UIMC1: variants seen among roughly 807,000 people sequenced by gnomAD.
UIMC1 encodes the protein BRCA1-A complex subunit RAP80.
A neutral mutation model predicts 84.9 loss-of-function variants in UIMC1; 42 were observed. That is an observed-to-expected ratio of 0.49 (90% CI 0.39 to 0.64). The LOEUF is 0.64. Among genes scored for constraint, UIMC1 ranks in the 30% least tolerant of loss-of-function variants. UIMC1 has a pLI of 0.00. For missense variants in UIMC1, 825 were observed against 847.6 expected, an observed-to-expected ratio of 0.97 and a Z score of 0.33; for synonymous variants, 281 against 293.0, an observed-to-expected ratio of 0.96 and a Z score of 0.42.
chr5:177,005,052 G>A lies in UIMC1; in HGVS notation c.-9+1598C>T, dbSNP rs537199472. On this transcript the variant is annotated intron_variant, in intron 1 of 14. Coordinates refer to ENST00000511320, the MANE Select transcript of UIMC1 (RefSeq NM_001199298.2). ...GGGAACCACAGGCACGCGCCACCAC[G>A]CCCAGCTAATTTTTTTTTTTTAATT... Among the ~76,000 whole-genome samples the A allele has an allele frequency of 2.0e-3, 304 of 151,252 alleles. 1 individual carries two copies. The highest frequency in any genetic ancestry group is 2.6e-3 in the Non-Finnish European group (174 of 67,830).
chr5:177,021,081 C>T (rs563909927), intron 1 of UIMC1, among the ~76,000 whole-genome samples: 38 of 151,986 alleles, frequency 2.5e-4, no homozygotes, highest in Non-Finnish European at 4.6e-4. Flanking sequence ...AGTTTGAGAT[C>T]AGCCTAGCTA....
At chr5:176,917,503 C>T (rs914426281) in intron 10 of UIMC1, among the ~76,000 whole-genome samples, 3 of 152,122 alleles carry the variant, frequency 2.0e-5, no homozygotes, top group African/African-American at 4.8e-5. Flanking sequence ...ACCCGGGAGA[C>T]GGAGGTTGCA....
chr5:176,928,265 T>C (rs903343747), intron 10 of UIMC1, among the ~76,000 whole-genome samples: 4 of 152,202 alleles, frequency 2.6e-5, no homozygotes, highest in African/African-American at 4.8e-5. Context: ...ACTTGAGTAG[T>C]TGCGACAGAG....
chr5:176,914,069 T>TACCACACCACACCAC (rs1271468882), intron 10 of UIMC1, among the ~76,000 whole-genome samples: 4,409 of 144,328 alleles, frequency 0.031, 150 homozygotes, highest in Middle Eastern at 0.12. Flanking sequence ...TACCATACCA[T>TACCACACCACACCAC]ACCACACCAC....
chr5:176,964,205 A>G (rs1036202239), intron 6 of UIMC1, among the ~76,000 whole-genome samples: 1 of 152,232 alleles, frequency 6.6e-6, no homozygotes, highest in Non-Finnish European at 1.5e-5. Context: ...AATTCTTTCT[A>G]CCCACATTTC....
chr5:176,964,255 G>A (rs1376085333), intron 6 of UIMC1, among the ~76,000 whole-genome samples: 1 of 152,122 alleles, frequency 6.6e-6, no homozygotes, highest in Non-Finnish European at 1.5e-5. Flanking sequence ...ACAATCACAG[G>A]ACCTACATTA....
At chr5:176,905,901 G>T (rs1426193250) in intron 14 of UIMC1, 110 bp downstream of exon 14, 2 of 1,200,048 alleles carry the variant, frequency 1.7e-6, no homozygotes, top group African/African-American at 1.5e-5. Context: ...TAGTTCCACA[G>T]TGATTTCTAC....
intron 1 of UIMC1, among the ~76,000 whole-genome samples, chr5:177,005,137 A>C (rs1046870251): frequency 6.6e-6 from 1 of 151,908 alleles, no homozygotes; most frequent in Non-Finnish European, 1.5e-5. Flanking sequence ...CAGTGGCACG[A>C]TCATAGCTCA....
chr5:177,022,405 C>T, intron 1 of UIMC1: 1 of 274,146 alleles, frequency 3.6e-6, no homozygotes, highest in Non-Finnish European at 6.8e-6. Context: ...AATGAAATGG[C>T]GAAAACACTC....
chr5:177,010,072 C>T (rs964126186), upstream of UIMC1, among the ~76,000 whole-genome samples: 1 of 151,708 alleles, frequency 6.6e-6, no homozygotes, highest in Non-Finnish European at 1.5e-5. Flanking sequence ...AACAAGTAGC[C>T]GCATGTGGTG....
chr5:177,001,603 G>A (rs1162657324), intron 1 of UIMC1: 1 of 151,946 alleles, frequency 6.6e-6, no homozygotes, highest in Non-Finnish European at 1.5e-5. Flanking sequence ...AATGTATATA[G>A]AAAGGCATGG....
chr5:176,917,261 A>G (rs1761099280), intron 10 of UIMC1, among the ~76,000 whole-genome samples: 1 of 152,216 alleles, frequency 6.6e-6, no homozygotes, highest in African/African-American at 2.4e-5. Context: ...ACCAGTCTCA[A>G]TTAAAGGCTA....
exon 1 of UIMC1, chr5:177,022,540 C>A: frequency 1.8e-6 from 1 of 558,012 alleles, no homozygotes; most frequent in Non-Finnish European, 3.0e-6. Flanking sequence ...GCGGAATCAG[C>A]GACAGGTTTC....
Position 176,955,986 on chromosome 5 carries a change from A to AGGC in UIMC1, c.1311_1312insGCC (p.Ser437_Ser438insAla). The AGGC allele has an allele frequency of 9.3e-6, 15 of 1,613,784 alleles. No homozygotes were observed. Among genetic ancestry groups the AGGC allele is most frequent in the Non-Finnish European group, 1.1e-5 (13 of 1,179,762 alleles). Reference sequence around the variant, plus strand: ...GGACAAACAGTGATTTCTTCTGCAGAACTCTCTGGCATAAGGACTAAGCTT... The same window carrying AGGC: ...GGACAAACAGTGATTTCTTCTGCAGAGGCACTCTCTGGCATAAGGACTAAGCTT... On this transcript the variant is annotated inframe_insertion, in exon 8 of 15. Transcript: ENST00000511320.
chr5:176,984,672 G>A (rs1252945619), intron 1 of UIMC1, among the ~76,000 whole-genome samples: 1 of 50,718 alleles, frequency 2.0e-5, no homozygotes, highest in Non-Finnish European at 4.9e-5. Context: ...GTGGGGAAAA[G>A]AAAGAGAGAT....
upstream of UIMC1, among the ~76,000 whole-genome samples, chr5:177,008,176 G>A (rs144753760): frequency 1.4e-4 from 21 of 151,514 alleles, no homozygotes; most frequent in Middle Eastern, 3.5e-3. Context: ...GTAATCGAAC[G>A]TGGAACTACA....
At position 176,906,465 on chromosome 5, in the gene UIMC1, T is replaced by C. The variant is rs139496573; in HGVS notation, c.1913-418A>G. Among the ~76,000 whole-genome samples the C allele has an allele frequency of 1.1e-3, 161 of 152,314 alleles. 2 individuals carry two copies. The highest frequency in any genetic ancestry group is 3.6e-3 in the African/African-American group (150 of 41,574). On this transcript the variant is annotated intron_variant, in intron 13 of 14. Coordinates refer to ENST00000511320, the MANE Select transcript of UIMC1 (RefSeq NM_001199298.2). The stretch of plus-strand genomic sequence containing the variant: ...CTATTAGAACTAGATGGTAAGCACA[T>C]CTCACCAGGCTTAAGCAAAAGCTCC...
At chr5:177,017,983 A>G (rs1013952051) in intron 1 of UIMC1, among the ~76,000 whole-genome samples, 5 of 152,058 alleles carry the variant, frequency 3.3e-5, no homozygotes, top group Non-Finnish European at 5.9e-5. Flanking sequence ...CAGTTAAAAC[A>G]TACTCTCTGA....
chr5:176,969,712 A>G lies in UIMC1; in HGVS notation c.358-6T>C. 1 of 1,613,730 alleles carries G rather than the reference A, an allele frequency of 6.2e-7. No homozygotes were observed. Among genetic ancestry groups the G allele is most frequent in the Non-Finnish European group, 8.5e-7 (1 of 1,179,680 alleles). ...GCATCAGAAGGCCGGCAACTCTGAA[A>G]CAAGTGATCCCATACCAGACCAGGT... On this transcript the variant is annotated splice_polypyrimidine_tract_variant and splice_region_variant and intron_variant, in intron 4 of 14. Coordinates refer to ENST00000511320, the MANE Select transcript of UIMC1 (RefSeq NM_001199298.2).
Sources: allele counts gnomAD v4.1 joint callset (sites outside exome capture counted in the v4.1 genomes callset), GRCh38; gene constraint gnomAD v4.1.1; transcripts MANE v1.5; gene names NCBI Gene and HGNC (gene_info 2026-07-23, HGNC 2026-07-21).